CACNA1A: variants seen among roughly 807,000 people sequenced by gnomAD.
CACNA1A encodes voltage-dependent P/Q-type calcium channel subunit alpha-1A.
Under a neutral mutation model 262.4 loss-of-function variants are expected in CACNA1A, and 57 were observed. The ratio of observed to expected loss-of-function variants is 0.22; its 90% confidence interval spans 0.18 to 0.27. The LOEUF is 0.27. Among genes scored for constraint, CACNA1A ranks in the 10% least tolerant of loss-of-function variants. The pLI is 1.00. For synonymous variants in CACNA1A, 1,431 were observed against 1,419.3 expected (o/e 1.01, Z -0.18); for missense variants, 2,526 against 3,562.8 (o/e 0.71, Z 7.41).
rs771423362 is a variant in CACNA1A at position 13,298,821 on chromosome 19, C to G, written c.2812G>C (p.Gly938Arg). The G allele has an allele frequency of 1.6e-4, 252 of 1,573,176 alleles. No homozygotes were observed. Among genetic ancestry groups the G allele is most frequent in the Non-Finnish European group, 2.1e-4 (249 of 1,169,984 alleles). The change falls in exon 19 of 47, where the codon GGC becomes CGC. Residue 938 changes from glycine to arginine, a missense_variant. Around this residue, in one of 17 missense-constraint regions of CACNA1A, gnomAD observed 765 missense variants for 748.6 expected, o/e 1.02. Transcript: ENST00000360228. ...GACCCGCTGCGGCTCTCCCTGCTGC[C>G]CCCCTGCCGGTGCACGTGCCTCCGG... ...PHRRHVHRQGGSRESRSGSPR... is the reference protein window; with the variant it reads ...PHRRHVHRQGRSRESRSGSPR...
chr19:13,228,808 G>C lies in CACNA1A; in HGVS notation c.5528+1274C>G, dbSNP rs763418341. The C allele has an allele frequency of 1.7e-5, 26 of 1,514,538 alleles. No individual in the cohort carries two copies. In the South Asian group the frequency reaches 3.0e-4, roughly 18 times the overall value. 93.8% of individuals were successfully genotyped at this position (1,514,538 alleles called of 1,614,324 possible). A position where few individuals can be genotyped will look rare whatever the true frequency, so the allele number is the denominator to read the frequency against. On this transcript the variant is annotated intron_variant, in intron 36 of 46. Transcript: ENST00000360228. Reference sequence around the variant, plus strand: ...ATGAATCCGACCGCTGAAAGGAGAAGAAAGGGGGTTAGTGCAGGCAATGGG... The same window carrying C: ...ATGAATCCGACCGCTGAAAGGAGAACAAAGGGGGTTAGTGCAGGCAATGGG...
At chr19:13,336,282 G>A (rs966641852) in intron 6 of CACNA1A, among the ~76,000 whole-genome samples, 5 of 152,096 alleles carry the variant, frequency 3.3e-5, no homozygotes, top group Non-Finnish European at 7.4e-5. Context: ...TCCCAACACA[G>A]TCATAGACTC....
At chr19:13,293,156 C>A (rs2057582012) in intron 19 of CACNA1A, among the ~76,000 whole-genome samples, 1 of 152,144 alleles carries the variant, frequency 6.6e-6, no homozygotes, top group Non-Finnish European at 1.5e-5. Flanking sequence ...TTAGCTGACA[C>A]TTCCTGAGTG....
intron 28 of CACNA1A, among the ~76,000 whole-genome samples, 177 bp from the exon 29 acceptor site, chr19:13,255,436 C>T (rs1339980031): frequency 1.3e-5 from 2 of 152,014 alleles, no homozygotes; most frequent in Admixed American, 6.6e-5. Flanking sequence ...GCTTTCTTAT[C>T]CCAACAGCTA....
At chr19:13,432,089 G>C (rs1324563787) in intron 3 of CACNA1A, among the ~76,000 whole-genome samples, 1 of 131,848 alleles carries the variant, frequency 7.6e-6, no homozygotes, top group Non-Finnish European at 1.6e-5. Flanking sequence ...TAGCAAGAGA[G>C]TGAGACTCCG....
At chr19:13,474,252 C>T (rs1253194533) in intron 1 of CACNA1A, among the ~76,000 whole-genome samples, 1 of 152,158 alleles carries the variant, frequency 6.6e-6, no homozygotes, top group East Asian at 1.9e-4. Flanking sequence ...ACCATGAAGA[C>T]AGATTTACAG....
At chr19:13,357,243 G>A (rs1010508788) in intron 6 of CACNA1A, among the ~76,000 whole-genome samples, 1 of 152,142 alleles carries the variant, frequency 6.6e-6, no homozygotes, top group African/African-American at 2.4e-5. Flanking sequence ...TGAAAAATCC[G>A]ACCTTAGTGA....
At chr19:13,417,749 G>A (rs1301914452) in intron 3 of CACNA1A, among the ~76,000 whole-genome samples, 2 of 151,986 alleles carry the variant, frequency 1.3e-5, no homozygotes, top group African/African-American at 4.8e-5. Context: ...AATTAGCTGG[G>A]CGTGGTGGTG....
chr19:13,212,031 T>A lies in CACNA1A; in HGVS notation c.6303+72A>T. ...GCAGGGAGGGGATGCACTGGGCTGC[T>A]TGTGGGGGGGCCTGGCCCTACCCAG... On this transcript the variant is annotated intron_variant, in intron 43 of 46. Coordinates refer to ENST00000360228, the MANE Select transcript of CACNA1A (RefSeq NM_001127222.2). The surrounding 1 kb of genome is among the most constrained non-coding windows in gnomAD (Gnocchi z 5.6). 1 of 1,114,724 alleles carries A rather than the reference T, an allele frequency of 9.0e-7. No individual in the cohort carries two copies. Among genetic ancestry groups the A allele is most frequent in the Non-Finnish European group, 1.3e-6 (1 of 751,226 alleles). 69.1% of individuals were successfully genotyped at this position (1,114,724 alleles called of 1,614,324 possible).
At chr19:13,440,445 C>A (rs77859477) in intron 3 of CACNA1A, among the ~76,000 whole-genome samples, 1 of 152,174 alleles carries the variant, frequency 6.6e-6, no homozygotes, top group South Asian at 2.1e-4. Context: ...TAATAGCAAA[C>A]GTTCCCTACA....
At chr19:13,422,669 G>C (rs1019472) in intron 3 of CACNA1A, among the ~76,000 whole-genome samples, 56,029 of 152,048 alleles carry the variant, frequency 0.37, 11,251 homozygotes, top group African/African-American at 0.52. Context: ...TGGGACACAC[G>C]GTATCAGTTT....
At chr19:13,331,110 G>C (rs1218536674) in intron 9 of CACNA1A, among the ~76,000 whole-genome samples, 1 of 152,004 alleles carries the variant, frequency 6.6e-6, no homozygotes, top group Non-Finnish European at 1.5e-5. Context: ...AGGGGAGTTA[G>C]GTAATCTCCC....
chr19:13,264,070 G>A (rs964210034), intron 24 of CACNA1A, among the ~76,000 whole-genome samples: 10 of 152,260 alleles, frequency 6.6e-5, no homozygotes, highest in East Asian at 1.9e-4. Flanking sequence ...TGCCAGAGAG[G>A]ACTGCACAGA....
intron 5 of CACNA1A, among the ~76,000 whole-genome samples, chr19:13,361,220 A>C (rs1224729890): frequency 6.6e-6 from 1 of 152,160 alleles, no homozygotes; most frequent in Non-Finnish European, 1.5e-5. Flanking sequence ...TTTCTCCCCA[A>C]ATAGCAGGAG....
intron 6 of CACNA1A, among the ~76,000 whole-genome samples, chr19:13,355,401 T>G (rs1201153997): frequency 6.6e-6 from 1 of 152,196 alleles, no homozygotes; most frequent in Non-Finnish European, 1.5e-5. Flanking sequence ...TTTAAGCTAC[T>G]CAGTCTGTGG....
At chr19:13,351,127 C>T (rs1003402342) in intron 6 of CACNA1A, among the ~76,000 whole-genome samples, 3 of 152,152 alleles carry the variant, frequency 2.0e-5, no homozygotes, top group African/African-American at 7.2e-5. Flanking sequence ...TGTTCCTCCG[C>T]TATAAAACTT....
At position 13,285,177 on chromosome 19, in the gene CACNA1A, G is replaced by A; in HGVS notation, c.3583C>T (p.Pro1195Ser). ...TCCTTCTTCTCTTCCTCTTTTTTTG[G>A]CAGTGGGTCTGGGTTGGCGTTTTTG... ...VNKNANPDPL[P>S]KKEEEKKEEE... Residue 1195 changes from proline to serine, a missense_variant, in exon 21 of 47, where the codon CCA (proline) becomes TCA (serine). Transcript: ENST00000360228. The A allele has an allele frequency of 6.2e-7, 1 of 1,613,780 alleles. No homozygotes were observed. Among genetic ancestry groups the A allele is most frequent in the Non-Finnish European group, 8.5e-7 (1 of 1,179,858 alleles).
At chr19:13,452,630 G>T in intron 3 of CACNA1A, 1 of 359,528 alleles carries the variant, frequency 2.8e-6, no homozygotes, top group Non-Finnish European at 5.0e-6. Flanking sequence ...TTAGAGAATG[G>T]GCATAAAGCA....
intron 6 of CACNA1A, among the ~76,000 whole-genome samples, chr19:13,342,824 A>T (rs375909057): frequency 7.1e-4 from 108 of 152,358 alleles, no homozygotes; most frequent in African/African-American, 2.6e-3. Context: ...GACATGTAGC[A>T]TGAGCAGGAA....
Sources: allele counts gnomAD v4.1 joint callset (sites outside exome capture counted in the v4.1 genomes callset), GRCh38; gene constraint gnomAD v4.1.1; regional missense constraint gnomAD v4.1.1; non-coding constraint Gnocchi (gnomAD v3.1); transcripts MANE v1.5; gene names NCBI Gene and HGNC (gene_info 2026-07-23, HGNC 2026-07-21).